The following INPP4B variants were observed in gnomAD, a reference collection of about 807,000 sequenced individuals.
INPP4B encodes inositol polyphosphate-4-phosphatase type II B.
Under a neutral mutation model 122.5 loss-of-function variants are expected in INPP4B, and 55 were observed. The observed-to-expected ratio is 0.45, with a 90% CI of 0.36 to 0.56. INPP4B has a LOEUF of 0.56. INPP4B is among the 20% of genes least tolerant of loss of function. The probability of loss-of-function intolerance (pLI) is 0.00; values close to 1 mark genes in which losing one functional copy is unlikely to be tolerated. For synonymous variants in INPP4B, 403 were observed against 388.7 expected, an observed-to-expected ratio of 1.04 and a Z score of -0.43; for missense variants, 1,000 against 1,097.7, an observed-to-expected ratio of 0.91 and a Z score of 1.26.
At chr4:142,091,345 C>G (rs541076663) in intron 23 of INPP4B, among the ~76,000 whole-genome samples, 1 of 152,252 alleles carries the variant, frequency 6.6e-6, no homozygotes, top group South Asian at 2.1e-4. Context: ...ACCCTCTGTC[C>G]CTATTTCCTC....
chr4:142,287,973 A>G (rs1173652184), intron 9 of INPP4B, among the ~76,000 whole-genome samples: 2 of 152,172 alleles, frequency 1.3e-5, no homozygotes, highest in African/African-American at 2.4e-5. Context: ...GTGGCCTCAC[A>G]TGGGAGGGAG....
intron 7 of INPP4B, among the ~76,000 whole-genome samples, chr4:142,399,894 CT>C (rs921122131): frequency 6.6e-6 from 1 of 151,994 alleles, no homozygotes; most frequent in African/African-American, 2.4e-5. Context: ...CGTCTGCCAA[CT>C]TATGGCAGTG....
intron 2 of INPP4B, among the ~76,000 whole-genome samples, chr4:142,656,530 CAG>C (rs1329023353): frequency 2.0e-5 from 3 of 152,156 alleles, no homozygotes; most frequent in Non-Finnish European, 4.4e-5. Context: ...TGCTGAGCAG[CAG>C]CTCCCTGCTT....
At chr4:142,055,725 G>A (rs1401790735) in intron 25 of INPP4B, among the ~76,000 whole-genome samples, 1 of 150,880 alleles carries the variant, frequency 6.6e-6, no homozygotes, top group Non-Finnish European at 1.5e-5. Context: ...TTGTGTTCAT[G>A]GAATATTAGA....
At chr4:142,535,440 G>A (rs941726596) in intron 2 of INPP4B, among the ~76,000 whole-genome samples, 6 of 152,166 alleles carry the variant, frequency 3.9e-5, no homozygotes, top group African/African-American at 1.4e-4. Context: ...CTTTCCTTGG[G>A]AGGATCTGCA....
intron 4 of INPP4B, 150 bp downstream of exon 4, chr4:142,431,019 G>A: frequency 1.6e-6 from 1 of 613,688 alleles, no homozygotes; most frequent in Non-Finnish European, 2.9e-6. Flanking sequence ...AAGGTAAATA[G>A]TGCAAAGGAA....
At chr4:142,564,509 G>A (rs976675203) in intron 2 of INPP4B, among the ~76,000 whole-genome samples, 1 of 138,362 alleles carries the variant, frequency 7.2e-6, no homozygotes, top group East Asian at 2.5e-4. Flanking sequence ...ATAAGAACCA[G>A]ACCATGGAAG....
At chr4:142,668,411 A>T (rs1756473690) in intron 2 of INPP4B, among the ~76,000 whole-genome samples, 1 of 152,224 alleles carries the variant, frequency 6.6e-6, no homozygotes, top group African/African-American at 2.4e-5. Flanking sequence ...ACTGGAAAAA[A>T]GTTGAAAGCT....
At chr4:142,328,148 G>A (rs574231889) in intron 7 of INPP4B, among the ~76,000 whole-genome samples, 1 of 152,196 alleles carries the variant, frequency 6.6e-6, no homozygotes, top group East Asian at 1.9e-4. Flanking sequence ...TTTTAAAAGA[G>A]CAAAGGTATT....
chr4:142,101,235 C>T (rs1290305221), intron 23 of INPP4B, among the ~76,000 whole-genome samples: 1 of 152,024 alleles, frequency 6.6e-6, no homozygotes, highest in Non-Finnish European at 1.5e-5. Context: ...ACATGGATTC[C>T]AATTTTAGGT....
chr4:142,542,269 G>A lies in INPP4B; in HGVS notation c.-190-79543C>T, dbSNP rs553028144. 2.2e-4 allele frequency among the ~76,000 whole-genome samples: 34 copies of A among 152,054 alleles called. No individual in the cohort carries two copies. The South Asian group carries it at 3.1e-3, about 14-fold the overall frequency. On this transcript the variant is annotated intron_variant, in intron 2 of 25. Coordinates refer to ENST00000262992, the MANE Select transcript of INPP4B (RefSeq NM_001101669.3). ...ATATTTCTTAGAGTCCTTTTTATTC[G>A]TTAATCTGATCCCCTTTTATAGATA... is the stretch of plus-strand genomic sequence containing the variant.
chr4:142,260,113 T>C (rs1484095792), intron 11 of INPP4B, among the ~76,000 whole-genome samples: 1 of 152,180 alleles, frequency 6.6e-6, no homozygotes, highest in Non-Finnish European at 1.5e-5. Context: ...GCCTTCAGAA[T>C]TGCTGGGACT....
At chr4:142,398,401 A>AAAT (rs1800278058) in intron 7 of INPP4B, among the ~76,000 whole-genome samples, 1 of 28,494 alleles carries the variant, frequency 3.5e-5, no homozygotes, top group Non-Finnish European at 6.4e-5. Context: ...AAAAAAAAAA[A>AAAT]ATATATATAT....
At chr4:142,809,516 G>A (rs1437495150) in intron 1 of INPP4B, among the ~76,000 whole-genome samples, 1 of 152,070 alleles carries the variant, frequency 6.6e-6, no homozygotes, top group African/African-American at 2.4e-5. Flanking sequence ...TACCTCTATA[G>A]TAATAGGTAC....
At chr4:142,609,174 G>T (rs907932150) in intron 2 of INPP4B, among the ~76,000 whole-genome samples, 2 of 151,220 alleles carry the variant, frequency 1.3e-5, no homozygotes, top group African/African-American at 2.4e-5. Context: ...TAATTTTCCA[G>T]TAATGGAAAA....
At chr4:142,041,175 A>T (rs1224030766) in intron 25 of INPP4B, among the ~76,000 whole-genome samples, 1 of 152,192 alleles carries the variant, frequency 6.6e-6, no homozygotes, top group Non-Finnish European at 1.5e-5. Context: ...AAAAAAAATT[A>T]GCTCATCTCC....
At chr4:142,070,074 G>A (rs1766130782) in intron 25 of INPP4B, among the ~76,000 whole-genome samples, 2 of 152,140 alleles carry the variant, frequency 1.3e-5, no homozygotes, top group Admixed American at 6.5e-5. Flanking sequence ...GAACATCGAA[G>A]CAAAAATCCT....
intron 2 of INPP4B, among the ~76,000 whole-genome samples, chr4:142,721,447 G>A (rs1452695418): frequency 6.6e-6 from 1 of 152,154 alleles, no homozygotes; most frequent in East Asian, 1.9e-4. Flanking sequence ...AAATTAAGCT[G>A]TCTCCCTTTG....
intron 1 of INPP4B, among the ~76,000 whole-genome samples, chr4:142,796,836 C>G (rs1425661819): frequency 1.3e-5 from 2 of 150,306 alleles, no homozygotes; most frequent in Non-Finnish European, 3.0e-5. Flanking sequence ...CCAAAAGGCT[C>G]CTCTATTCAC....
Sources: allele counts gnomAD v4.1 joint callset (sites outside exome capture counted in the v4.1 genomes callset), GRCh38; gene constraint gnomAD v4.1.1; transcripts MANE v1.5; gene names NCBI Gene and HGNC (gene_info 2026-07-23, HGNC 2026-07-21).